SCRIB: variants seen among roughly 807,000 people sequenced by gnomAD.
SCRIB encodes scribble planar cell polarity protein.
SCRIB carries 72 observed loss-of-function variants against 170.0 expected under a neutral mutation model. The observed-to-expected ratio is 0.42, with a 90% CI of 0.35 to 0.52. SCRIB has a LOEUF of 0.52. Ranked by LOEUF, SCRIB falls within the 20% of genes least tolerant of loss-of-function variation. The probability of loss-of-function intolerance (pLI) is 0.02; values close to 1 mark genes in which losing one functional copy is unlikely to be tolerated. For missense variants in SCRIB, 2,475 were observed against 2,338.5 expected (o/e 1.06, Z -1.20); for synonymous variants, 1,298 against 1,044.3 (o/e 1.24, Z -4.68).
intron 24 of SCRIB, among the ~76,000 whole-genome samples, chr8:143,799,921 G>T (rs1815104884): frequency 6.6e-6 from 1 of 152,224 alleles, no homozygotes; most frequent in African/African-American, 2.4e-5. Flanking sequence ...TGAGAAGAAA[G>T]TTACAGAACC....
At position 143,792,205 on chromosome 8, in the gene SCRIB, C is replaced by A; in HGVS notation, c.4514+15G>T. ...AGGCAGCAGGGCGGGGTGGCGACCC[C>A]ACACAGGGGCTCACCTGGCTGCCCT... On this transcript the variant is annotated intron_variant, in intron 32 of 36. Coordinates refer to ENST00000356994, the MANE Select transcript of SCRIB (RefSeq NM_182706.5). 6.4e-7 allele frequency: 1 copy of A among 1,554,310 alleles called. No individual in the cohort carries two copies. The highest frequency in any genetic ancestry group is 2.3e-5 in the East Asian group (1 of 43,820).
intron 18 of SCRIB, among the ~76,000 whole-genome samples, chr8:143,806,005 G>A (rs917557101): frequency 6.6e-6 from 1 of 152,158 alleles, no homozygotes; most frequent in African/African-American, 2.4e-5. Flanking sequence ...TCCAGGTGGA[G>A]GCTCCAGGAC....
intron 26 of SCRIB, 66 bp from the exon 27 acceptor site, chr8:143,795,178 C>CAGGAGAGGGGGTCCTGGGGGTT: frequency 6.3e-7 from 1 of 1,598,600 alleles, no homozygotes. Flanking sequence ...CAGCACAGGG[C>CAGGAGAGGGGGTCCTGGGGGTT]AGGAGAGGGG....
intron 1 of SCRIB, chr8:143,814,764 G>A (rs767942019): frequency 6.9e-5 from 12 of 172,804 alleles, no homozygotes; most frequent in Non-Finnish European, 1.3e-4. Context: ...GAGAAGCAAG[G>A]GTAAAGAAAG....
rs1554632945 is a variant in SCRIB at position 143,792,225 on chromosome 8, T to C, written c.4509A>G (p.Ala1503=). 3 of 1,560,968 alleles carry C rather than the reference T, an allele frequency of 1.9e-6. No individual in the cohort carries two copies. The highest frequency in any genetic ancestry group is 1.4e-5 in the African/African-American group (1 of 73,924). ...GACCCCACACAGGGGCTCACCTGGC[T>C]GCCCTCCACAGCGCACGCTTCTCGG... ...LEAEKRALWR[A]ARMKSLEQDA... is the part of the protein sequence containing the mutation. The change falls in exon 32 of 37, where the codon GCA becomes GCG. Residue 1503 remains alanine (A), a synonymous_variant. Coordinates refer to ENST00000356994, the MANE Select transcript of SCRIB (RefSeq NM_182706.5).
At chr8:143,793,384 A>C in intron 28 of SCRIB, 1 of 308,036 alleles carries the variant, frequency 3.2e-6, no homozygotes, top group Non-Finnish European at 6.1e-6. Flanking sequence ...GGAGAGCAGG[A>C]TCAGGGGTTT....
rs981138637 is a variant in SCRIB at position 143,813,213 on chromosome 8, G to A, written c.567+98C>T. ...CCAGCTCCCACCCGCCTGCCCTCCCGAGGTGCCCCTTGCTGTCGGATCTGC... is the reference window on the plus strand; with the variant it reads ...CCAGCTCCCACCCGCCTGCCCTCCCAAGGTGCCCCTTGCTGTCGGATCTGC... On this transcript the variant is annotated intron_variant, in intron 6 of 36. Transcript: ENST00000356994. 2.8e-5 allele frequency: 44 copies of A among 1,588,324 alleles called. No homozygotes were observed. The East Asian group carries it at 4.2e-4, about 15-fold the overall frequency.
In SCRIB at chr8:143,801,691, G is replaced by A. The variant is rs79697760; in HGVS notation, c.3603+1692C>T. Among the ~76,000 whole-genome samples, 518 of 152,298 alleles carry A rather than the reference G, an allele frequency of 3.4e-3. 1 individual carries two copies. The highest frequency in any genetic ancestry group is 0.012 in the African/African-American group (500 of 41,552). ...GCGGACAGCGAGCCCCCGGGAAGAC[G>A]GAAGGACATGGGAAAGAGGTAGCAG... is the stretch of plus-strand genomic sequence containing the variant. On this transcript the variant is annotated intron_variant, in intron 24 of 36. Coordinates refer to ENST00000356994, the MANE Select transcript of SCRIB (RefSeq NM_182706.5).
chr8:143,805,122 G>C lies in SCRIB; in HGVS notation c.2660C>G (p.Ala887Gly), dbSNP rs1554636134. The change falls in exon 19 of 37, where the codon GCT (alanine) becomes GGT (glycine). Residue 887 changes from alanine to glycine, a missense_variant. Ala to Gly is a moderately conservative substitution (Grantham distance 60). This residue lies in a region of SCRIB where 1,966 missense variants were observed against 1,742.9 expected (regional missense o/e 1.13). Transcript: ENST00000356994. Reference protein sequence around the residue: ...AGGKGSTPYRAGDAGIFVSRI... With the variant: ...AGGKGSTPYRGGDAGIFVSRI... ...GGGCCCCAGCCTCACCGCATCACCA[G>C]CCCTGTAGGGTGTGGAGCCTTTCCC... 1 of 1,592,778 alleles carries C rather than the reference G, an allele frequency of 6.3e-7. No homozygotes were observed. The highest frequency in any genetic ancestry group is 8.6e-7 in the Non-Finnish European group (1 of 1,168,580).
chr8:143,795,558 G>T, intron 24 of SCRIB, 28 bp from the exon 25 acceptor site: 1 of 1,572,542 alleles, frequency 6.4e-7, no homozygotes, highest in Non-Finnish European at 8.7e-7. Flanking sequence ...GGCTAAGAAG[G>T]GGGGACTGCA....
chr8:143,795,060 G>A lies in SCRIB; in HGVS notation c.3824C>T (p.Pro1275Leu). 1 of 1,611,132 alleles carries A rather than the reference G, an allele frequency of 6.2e-7. No homozygotes were observed. Residue 1275 changes from proline (P) to leucine (L), a missense_variant, in exon 27 of 37, where the codon CCC (proline) becomes CTC (leucine). Pro to Leu is a moderately conservative substitution (Grantham distance 98). Transcript: ENST00000356994. ...CACCCTCTGCACGCTGCCAGCGCTG[G>A]GCACGGCGGCCAGGGCGCGGTAGTC... Reference protein sequence around the residue: ...KLDYRALAAVPSAGSVQRVPS... With the variant: ...KLDYRALAAVLSAGSVQRVPS...
Position 143,806,376 on chromosome 8 carries a change from G to A in SCRIB, c.2346+31C>T, listed in dbSNP as rs200906584. On this transcript the variant is annotated intron_variant, in intron 18 of 36. Transcript: ENST00000356994. ...CCATGTACCTCCAGAGGGCACAGCT[G>A]CCACTCGGGGCGGAGAGGTTGCCGA... is the stretch of plus-strand genomic sequence containing the variant. 3.7e-4 allele frequency: 578 copies of A among 1,554,626 alleles called. 1 individual carries two copies. The highest frequency in any genetic ancestry group is 3.9e-4 in the Non-Finnish European group (443 of 1,139,424).
chr8:143,792,162 T>TG (rs781789717), intron 32 of SCRIB, 29 bp from the exon 33 acceptor site: 1 of 1,557,832 alleles, frequency 6.4e-7, no homozygotes, highest in South Asian at 1.2e-5. Flanking sequence ...AGGGGTGACT[T>TG]GGGGCAGGAG....
In SCRIB at chr8:143,809,714, T is replaced by G. The variant is rs774961153; in HGVS notation, c.1535A>C (p.Lys512Thr). Residue 512 changes from lysine to threonine, a missense_variant, in exon 14 of 37, where the codon AAG becomes ACG. This residue lies in a region of SCRIB where 1,966 missense variants were observed against 1,742.9 expected (regional missense o/e 1.13). Coordinates refer to ENST00000356994, the MANE Select transcript of SCRIB (RefSeq NM_182706.5). The part of the protein sequence containing the change: ...SGSPLPAEEE[K>T]RLSAESGLSE... ...CAGGCCAGACTCGGCACTCAGCCGC[T>G]TCTCCTGCGGCGGGAAGTGGGGTCA... 2 of 1,607,956 alleles carry G rather than the reference T, an allele frequency of 1.2e-6. No individual in the cohort carries two copies. Among genetic ancestry groups the G allele is most frequent in the East Asian group, 4.5e-5 (2 of 44,856 alleles).
chr8:143,804,694 A>T lies in SCRIB; in HGVS notation c.2883T>A (p.His961Gln), dbSNP rs1554635921. 1 of 1,570,448 alleles carries T rather than the reference A, an allele frequency of 6.4e-7. No homozygotes were observed. Among genetic ancestry groups the T allele is most frequent in the Non-Finnish European group, 8.7e-7 (1 of 1,155,678 alleles). Reference protein sequence around the residue: ...GGPLPPSPLPHSSPPTAAVAT... With the variant: ...GGPLPPSPLPQSSPPTAAVAT... Reference sequence around the variant, plus strand: ...CAACAGCAGCGGTGGGGGGTGAGGAATGTGGCAGAGGGCTGGGAGGAAGAG... The same window carrying T: ...CAACAGCAGCGGTGGGGGGTGAGGATTGTGGCAGAGGGCTGGGAGGAAGAG... Residue 961 changes from histidine to glutamine, a missense_variant, in exon 21 of 37, where the codon CAT (histidine) becomes CAA (glutamine). By Grantham distance (24) the His-to-Gln change is conservative. Transcript: ENST00000356994.
In SCRIB at chr8:143,815,315, G is replaced by T; in HGVS notation, c.58C>A (p.Arg20=). The T allele has an allele frequency of 6.3e-7, 1 of 1,579,962 alleles. No individual in the cohort carries two copies. Residue 20 remains arginine (R), a synonymous_variant, in exon 1 of 37, where the codon CGG becomes AGG. Coordinates refer to ENST00000356994, the MANE Select transcript of SCRIB (RefSeq NM_182706.5). Reference sequence around the variant, plus strand: ...GGCACGGCCTGCAGCGAACAGTGCCGCTTGTCCACCGACTCCACGTGCCGG... The same window carrying T: ...GGCACGGCCTGCAGCGAACAGTGCCTCTTGTCCACCGACTCCACGTGCCGG... The part of the protein sequence containing the change: ...CNRHVESVDK[R]HCSLQAVPEE...
chr8:143,804,206 G>T, intron 21 of SCRIB, 50 bp from the exon 22 acceptor site: 1 of 1,348,720 alleles, frequency 7.4e-7, no homozygotes, highest in Non-Finnish European at 1.0e-6. Context: ...GACAGGGAAA[G>T]GGTGTGGGAG....
rs781801208 is a variant in SCRIB, at chr8:143,792,026, G to T, written c.4622C>A (p.Ser1541Tyr). ...GGTGGGCGACGGGGTGGGCGCAGGG[G>T]AAGGGGCCTCGGCCAGTCGCTCCAG... is the stretch of plus-strand genomic sequence containing the variant. ...GPLERLAEAP[S>Y]PAPTPSPTPV... The change falls in exon 33 of 37, where the codon TCC becomes TAC. Residue 1541 changes from serine (S) to tyrosine (Y), a missense_variant. Transcript: ENST00000356994. The T allele has an allele frequency of 9.3e-5, 146 of 1,563,530 alleles. No homozygotes were observed. The highest frequency in any genetic ancestry group is 1.2e-4 in the Non-Finnish European group (139 of 1,158,162).
chr8:143,795,579 C>A (rs782031675), intron 24 of SCRIB, 49 bp from the exon 25 acceptor site: 1 of 1,488,812 alleles, frequency 6.7e-7, no homozygotes, highest in Middle Eastern at 1.7e-4. Context: ...ACCCGGGGTC[C>A]CACCTCTGGG....
Sources: allele counts gnomAD v4.1 joint callset (sites outside exome capture counted in the v4.1 genomes callset), GRCh38; gene constraint gnomAD v4.1.1; regional missense constraint gnomAD v4.1.1; transcripts MANE v1.5; gene names NCBI Gene and HGNC (gene_info 2026-07-23, HGNC 2026-07-21).